Variants in SVEP1 observed in about 807,000 individuals in gnomAD.
The protein encoded by SVEP1 is sushi, von Willebrand factor type A, EGF and pentraxin domain-containing protein 1.
SVEP1 carries 164 observed loss-of-function variants against 367.3 expected under a neutral mutation model. That is an observed-to-expected ratio of 0.45 (90% CI 0.39 to 0.51). SVEP1 has a LOEUF of 0.51. SVEP1 is among the 20% of genes least tolerant of loss of function. The pLI, the probability that SVEP1 is intolerant of heterozygous loss-of-function variation, is 0.00. For synonymous variants in SVEP1, 1,666 were observed against 1,611.6 expected (o/e 1.03, Z -0.81); for missense variants, 4,117 against 4,425.3 (o/e 0.93, Z 1.98).
At chr9:110,387,576 G>A in intron 41 of SVEP1, 118 bp from the exon 42 acceptor site, 1 of 1,086,200 alleles carries the variant, frequency 9.2e-7, no homozygotes, top group South Asian at 1.8e-5. Context: ...CTACTCATGT[G>A]TGAAGCACAG....
At position 110,579,349 on chromosome 9, in the gene SVEP1, G is replaced by A; in HGVS notation, c.195C>T (p.Gly65=). Residue 65 remains glycine, a synonymous_variant, in exon 1 of 48, where the codon GGC becomes GGT. Transcript: ENST00000374469. The surrounding 1 kb of genome is among the most constrained non-coding windows in gnomAD (Gnocchi z 5.3). ...GCCGCACGCGTCGCCGGAACGCCTG[G>A]CCCAGCCGCTCCACTCTGCTCCCCG... is the stretch of plus-strand genomic sequence containing the variant. ...EAAGSRVERL[G]QAFRRRVRLL... is the part of the protein sequence containing the mutation. The A allele has an allele frequency of 6.4e-7, 1 of 1,554,264 alleles. No homozygotes were observed. The highest frequency in any genetic ancestry group is 1.2e-5 in the South Asian group (1 of 84,560).
At chr9:110,476,368 T>C (rs1829096850) in intron 13 of SVEP1, 53 bp from the exon 14 acceptor site, 25 of 1,371,226 alleles carry the variant, frequency 1.8e-5, no homozygotes, top group Middle Eastern at 1.8e-4. Flanking sequence ...CTGCATGCCT[T>C]GGATAAACAC....
chr9:110,481,158 G>A (rs1999598), intron 12 of SVEP1, 84 bp downstream of exon 12: 170,590 of 1,061,866 alleles, frequency 0.16, 14,650 homozygotes, highest in Non-Finnish European at 0.18. Flanking sequence ...AATTCCTATC[G>A]TAAGGCAATT....
At chr9:110,502,103 ATTTT>A (rs35353042) in intron 6 of SVEP1, among the ~76,000 whole-genome samples, 4 of 135,798 alleles carry the variant, frequency 2.9e-5, no homozygotes, top group African/African-American at 5.4e-5. Context: ...AGTTCTTAGA[ATTTT>A]TTTTTTTTTT....
rs147389549 is a variant in SVEP1, at chr9:110,511,107, GAC to G, written c.1303+1817_1303+1818del. On this transcript the variant is annotated intron_variant, in intron 5 of 47. Transcript: ENST00000374469. The stretch of plus-strand genomic sequence containing the variant: ...TAGTGTTGTTTCTAACTATGAAATG[GAC>G]ACAGTTTTCTGTTTTTCTAGGGCAT... Among the ~76,000 whole-genome samples the G allele has an allele frequency of 1.3e-3, 200 of 152,262 alleles. 4 individuals are homozygous for G. In the South Asian group the frequency reaches 0.027, roughly 21 times the overall value.
chr9:110,372,264 C>A (rs7036046), intron 46 of SVEP1, among the ~76,000 whole-genome samples: 125,732 of 152,200 alleles, frequency 0.83, 52,550 homozygotes, highest in African/African-American at 0.96. Flanking sequence ...GTCATAGCCC[C>A]TCTTATAGAT....
At chr9:110,486,058 T>C (rs1436487473) in intron 9 of SVEP1, among the ~76,000 whole-genome samples, 1 of 152,210 alleles carries the variant, frequency 6.6e-6, no homozygotes, top group Non-Finnish European at 1.5e-5. Context: ...CTTTTGCTCA[T>C]GTTTGGATCT....
At chr9:110,552,138 T>C (rs1048850978) in intron 1 of SVEP1, among the ~76,000 whole-genome samples, 4 of 150,588 alleles carry the variant, frequency 2.7e-5, no homozygotes, top group African/African-American at 9.8e-5. Flanking sequence ...TTCAAGCGAT[T>C]CTCCTGCCTC....
rs868035221 is a variant in SVEP1 at position 110,412,854 on chromosome 9, G to C, written c.5976-1119C>G. On this transcript the variant is annotated intron_variant, in intron 36 of 47. Transcript: ENST00000374469. ...AACCACAATGAGATACCATCTCACG[G>C]CAGTTAGAATGGCAATCATTAAAAA... Among the ~76,000 whole-genome samples, 179 of 151,932 alleles carry C rather than the reference G, an allele frequency of 1.2e-3. 1 individual carries two copies. The highest frequency in any genetic ancestry group is 1.9e-3 in the African/African-American group (79 of 41,382).
At position 110,451,406 on chromosome 9, in the gene SVEP1, C is replaced by A. The variant is rs747287826; in HGVS notation, c.3788-4G>T. The A allele has an allele frequency of 6.2e-7, 1 of 1,608,010 alleles. No homozygotes were observed. Among genetic ancestry groups the A allele is most frequent in the South Asian group, 1.1e-5 (1 of 90,330 alleles). On this transcript the variant is annotated splice_region_variant and splice_polypyrimidine_tract_variant and intron_variant, in intron 22 of 47. Coordinates refer to ENST00000374469, the MANE Select transcript of SVEP1 (RefSeq NM_153366.4). Reference sequence around the variant, plus strand: ...ATATTTTCTTCACACCGCTGACCTGCAAAGAATCATTCATCTTTGAGCTGG... The same window carrying A: ...ATATTTTCTTCACACCGCTGACCTGAAAAGAATCATTCATCTTTGAGCTGG...
rs56077443 is a variant in SVEP1 at position 110,572,789 on chromosome 9, CAAAAAAAAAAA to C, written c.531+6213_531+6223del. On this transcript the variant is annotated intron_variant, in intron 1 of 47. Transcript: ENST00000374469. ...AGAGGGTGACCCTCTCTCTCTCTCA[CAAAAAAAAAAA>C]AAAAAAAAAAAAAAAATGAGTACTA... Among the ~76,000 whole-genome samples, 471 of 76,516 alleles carry C rather than the reference CAAAAAAAAAAA, an allele frequency of 6.2e-3. 4 individuals carry two copies. The highest frequency in any genetic ancestry group is 8.6e-3 in the Non-Finnish European group (348 of 40,364). The allele number at this position is 76,516 out of a possible 152,430, so 50.2% of individuals were successfully genotyped here.
intron 1 of SVEP1, among the ~76,000 whole-genome samples, chr9:110,571,935 T>C (rs1010342230): frequency 5.3e-5 from 8 of 152,344 alleles, no homozygotes; most frequent in African/African-American, 1.9e-4. Flanking sequence ...TACACACACA[T>C]ACACACACCA....
chr9:110,465,788 T>C (rs1828927308), intron 18 of SVEP1, 77 bp downstream of exon 18: 1 of 1,500,056 alleles, frequency 6.7e-7, no homozygotes, highest in Non-Finnish European at 9.0e-7. Flanking sequence ...TGTATGTTTT[T>C]GCAGAAAATA....
intron 26 of SVEP1, among the ~76,000 whole-genome samples, chr9:110,445,546 T>C (rs1462522025): frequency 2.0e-5 from 3 of 152,208 alleles, no homozygotes; most frequent in African/African-American, 7.2e-5. Context: ...TGAAACTTTA[T>C]TCTACTGTCT....
chr9:110,523,360 T>C (rs1400676615), intron 3 of SVEP1, among the ~76,000 whole-genome samples: 3 of 152,194 alleles, frequency 2.0e-5, no homozygotes. Context: ...ATGTTTGATG[T>C]CATATTACTT....
Position 110,430,432 on chromosome 9 carries a change from G to A in SVEP1, c.5372C>T (p.Ala1791Val), listed in dbSNP as rs762507648. Residue 1791 changes from alanine (A) to valine (V), a missense_variant, in exon 33 of 48, where the codon GCT becomes GTT. Physicochemically the swap from Ala to Val is moderately conservative, Grantham distance 64. Transcript: ENST00000374469. The stretch of plus-strand genomic sequence containing the variant: ...GTGGCCATTTTCCGGATTTCCTGGA[G>A]CCTTACATTTTATAGGTTCTAGAAA... ...KNCAEPIKCKAPGNPENGHSS... is the reference protein window; with the variant it reads ...KNCAEPIKCKVPGNPENGHSS... 1.2e-6 allele frequency: 2 copies of A among 1,611,478 alleles called. No individual in the cohort carries two copies. The highest frequency in any genetic ancestry group is 1.7e-6 in the Non-Finnish European group (2 of 1,178,814).
chr9:110,579,631 TGCGCGGAGCTGGGCGCGGGGCA>T lies in SVEP1; in HGVS notation c.-110_-89del. 3 of 1,404,074 alleles carry T rather than the reference TGCGCGGAGCTGGGCGCGGGGCA, an allele frequency of 2.1e-6. No homozygotes were observed. Among genetic ancestry groups the T allele is most frequent in the Non-Finnish European group, 2.8e-6 (3 of 1,081,930 alleles). 87.0% of individuals were successfully genotyped at this position (1,404,074 alleles called of 1,614,324 possible). A position where few individuals can be genotyped will look rare whatever the true frequency, so the allele number is the denominator to read the frequency against. On this transcript the variant is annotated 5_prime_UTR_variant, in exon 1 of 48. Transcript: ENST00000374469. This position sits in a 1 kb window ranked among gnomAD's most constrained non-coding sequence, Gnocchi z 5.3. ...GGGCGGCCGGACTCGCAGAGGGGCGTGCGCGGAGCTGGGCGCGGGGCAGCGGCCAAGAGCCTCAGCGCCCTTT... is the reference window on the plus strand; with the variant it reads ...GGGCGGCCGGACTCGCAGAGGGGCGTGCGGCCAAGAGCCTCAGCGCCCTTT...
chr9:110,549,625 A>G (rs1830258337), intron 2 of SVEP1, among the ~76,000 whole-genome samples: 1 of 152,192 alleles, frequency 6.6e-6, no homozygotes, highest in African/African-American at 2.4e-5. Flanking sequence ...GTGAAAACAC[A>G]TAACAGCTGC....
intron 18 of SVEP1, among the ~76,000 whole-genome samples, chr9:110,463,582 A>G (rs1217380797): frequency 1.3e-5 from 2 of 151,656 alleles, no homozygotes; most frequent in African/African-American, 4.8e-5. Context: ...AATAAAGAAA[A>G]AGGAAGGAAA....
Sources: allele counts gnomAD v4.1 joint callset (sites outside exome capture counted in the v4.1 genomes callset), GRCh38; gene constraint gnomAD v4.1.1; non-coding constraint Gnocchi (gnomAD v3.1); transcripts MANE v1.5; gene names NCBI Gene and HGNC (gene_info 2026-07-23, HGNC 2026-07-21).